ST7: variants seen among roughly 807,000 people sequenced by gnomAD.
ST7 encodes suppressor of tumorigenicity 7 protein.
Under a neutral mutation model 78.7 loss-of-function variants are expected in ST7, and 28 were observed. That is an observed-to-expected ratio of 0.36 (90% CI 0.26 to 0.49). The LOEUF (loss-of-function observed/expected upper bound fraction) is 0.49. Among genes scored for constraint, ST7 ranks in the 20% least tolerant of loss-of-function variants. The probability of loss-of-function intolerance (pLI) is 0.99; values close to 1 mark genes in which losing one functional copy is unlikely to be tolerated. For synonymous variants in ST7, 247 were observed against 249.6 expected (o/e 0.99, Z 0.10); for missense variants, 418 against 696.0 (o/e 0.60, Z 4.49).
intron 1 of ST7, among the ~76,000 whole-genome samples, chr7:117,080,074 G>A (rs937376994): frequency 8.8e-5 from 12 of 135,956 alleles, no homozygotes; most frequent in East Asian, 2.4e-4. Context: ...TCCGCCTCCC[G>A]GGTTCACGCC....
chr7:117,164,357 T>G (rs116487864), intron 9 of ST7, among the ~76,000 whole-genome samples: 66 of 152,332 alleles, frequency 4.3e-4, no homozygotes, highest in African/African-American at 1.5e-3. Flanking sequence ...TTAGTTTTGT[T>G]TTTTGAATTA....
chr7:117,045,072 G>C (rs1391124811), intron 1 of ST7, among the ~76,000 whole-genome samples: 1 of 152,072 alleles, frequency 6.6e-6, no homozygotes, highest in Non-Finnish European at 1.5e-5. Flanking sequence ...AGTAAGTGTT[G>C]TTGACTTTAC....
chr7:117,038,492 G>T (rs2116258483), intron 1 of ST7, among the ~76,000 whole-genome samples: 1 of 152,296 alleles, frequency 6.6e-6, no homozygotes, highest in South Asian at 2.1e-4. Flanking sequence ...GACAGATTGG[G>T]ATTGATTTTG....
chr7:117,221,091 C>T (rs3757807), intron 14 of ST7, among the ~76,000 whole-genome samples: 88,139 of 151,944 alleles, frequency 0.58, 27,590 homozygotes, highest in East Asian at 0.89. Context: ...CCCGCCCCAT[C>T]GACCCAGGCA....
At chr7:116,962,795 CTG>C (rs926890814) in intron 1 of ST7, among the ~76,000 whole-genome samples, 23 of 152,168 alleles carry the variant, frequency 1.5e-4, no homozygotes, top group Admixed American at 6.5e-4. Context: ...TTATGTGACT[CTG>C]GGGTTTTCTA....
intron 3 of ST7, among the ~76,000 whole-genome samples, chr7:117,121,204 A>G (rs1190456360): frequency 3.3e-5 from 5 of 152,228 alleles, no homozygotes. Flanking sequence ...TGGTGACTGA[A>G]TGATCAAGAT....
At chr7:117,091,214 A>G (rs1201099540) in intron 1 of ST7, among the ~76,000 whole-genome samples, 1 of 152,190 alleles carries the variant, frequency 6.6e-6, no homozygotes, top group South Asian at 2.1e-4. Context: ...GGATTGTGAT[A>G]CATAAAACCT....
intron 1 of ST7, among the ~76,000 whole-genome samples, chr7:117,031,870 C>CTA (rs1201393193): frequency 3.1e-5 from 2 of 65,022 alleles, no homozygotes; most frequent in African/African-American, 1.3e-4. Flanking sequence ...ATCTATCTAT[C>CTA]TATATATATA....
intron 1 of ST7, chr7:117,076,390 A>G (rs963128149): frequency 4.6e-5 from 7 of 152,338 alleles, no homozygotes; most frequent in Non-Finnish European, 4.4e-5. Flanking sequence ...ATATATGTGT[A>G]TGTATACACA....
chr7:117,085,356 C>T (rs1800057409), intron 1 of ST7, among the ~76,000 whole-genome samples: 1 of 152,098 alleles, frequency 6.6e-6, no homozygotes. Flanking sequence ...TGAGAAATGT[C>T]TCATTTTAAT....
At chr7:117,047,792 G>A (rs1039592208) in intron 1 of ST7, among the ~76,000 whole-genome samples, 1 of 152,130 alleles carries the variant, frequency 6.6e-6, no homozygotes, top group African/African-American at 2.4e-5. Context: ...TTGAGAAATC[G>A]AATGCAGAAG....
At chr7:117,017,410 C>T (rs77608500) in intron 1 of ST7, among the ~76,000 whole-genome samples, 12,616 of 152,176 alleles carry the variant, frequency 0.083, 568 homozygotes, top group East Asian at 0.13. Flanking sequence ...TTAAGATTTT[C>T]GCTATAATTG....
intron 1 of ST7, among the ~76,000 whole-genome samples, chr7:117,012,862 A>T (rs1795443519): frequency 6.6e-6 from 1 of 152,128 alleles, no homozygotes; most frequent in Admixed American, 6.5e-5. Context: ...CCTCTGCTGG[A>T]TTTCTGAGGT....
chr7:117,119,821 A>G, intron 3 of ST7, 101 bp downstream of exon 3: 2 of 1,357,506 alleles, frequency 1.5e-6, no homozygotes, highest in Non-Finnish European at 2.0e-6. Flanking sequence ...TTTAAACATT[A>G]GGCTTCAGAG....
chr7:116,979,060 G>T (rs1223061035), intron 1 of ST7, among the ~76,000 whole-genome samples: 1 of 152,166 alleles, frequency 6.6e-6, no homozygotes, highest in African/African-American at 2.4e-5. Context: ...CTAAAACCTG[G>T]GGAGGCAGCC....
chr7:117,143,731 G>T (rs888965861), intron 9 of ST7, among the ~76,000 whole-genome samples: 5 of 152,142 alleles, frequency 3.3e-5, no homozygotes, highest in African/African-American at 9.7e-5. Flanking sequence ...ACCTCACAGG[G>T]TAGATGTCAG....
intron 1 of ST7, among the ~76,000 whole-genome samples, chr7:117,036,726 G>A (rs1796918063): frequency 6.6e-6 from 1 of 152,046 alleles, no homozygotes; most frequent in Admixed American, 6.6e-5. Flanking sequence ...ATATACATAT[G>A]GTATGATATG....
chr7:116,989,586 C>T (rs1210940673), intron 1 of ST7, among the ~76,000 whole-genome samples: 2 of 151,138 alleles, frequency 1.3e-5, no homozygotes, highest in Admixed American at 6.6e-5. Flanking sequence ...AGGCTGTAAT[C>T]CCAGCACTTT....
Position 117,110,099 on chromosome 7 carries a change from C to G in ST7, c.235-9462C>G, listed in dbSNP as rs553112192. On this transcript the variant is annotated intron_variant, in intron 2 of 15. Transcript: ENST00000323984. ...AAATATATGCCCCAAACATGGCAAT[C>G]TTTTAGCATATATGTTTTGTGGGAG... Among the ~76,000 whole-genome samples the G allele has an allele frequency of 2.6e-5, 4 of 152,260 alleles. No homozygotes were observed. The Middle Eastern group carries it at 0.014, about 518-fold the overall frequency.
Sources: gnomAD v4.1 joint callset for allele counts (sites outside exome capture counted in the v4.1 genomes callset) on GRCh38, gnomAD v4.1.1 for gene constraint, MANE v1.5 for transcripts, NCBI Gene and HGNC (gene_info 2026-07-23, HGNC 2026-07-21) for gene names.